KMT2A: variants seen among roughly 807,000 people sequenced by gnomAD.
KMT2A encodes lysine methyltransferase 2A.
KMT2A carries 16 observed loss-of-function variants against 345.3 expected under a neutral mutation model. That is an observed-to-expected ratio of 0.05 (90% CI 0.03 to 0.07). The LOEUF is 0.07. Among genes scored for constraint, KMT2A ranks in the 10% least tolerant of loss-of-function variants. The pLI, the probability that KMT2A is intolerant of heterozygous loss-of-function variation, is 1.00. For missense variants in KMT2A, 3,272 were observed against 4,841.6 expected, an observed-to-expected ratio of 0.68 and a Z score of 9.62; for synonymous variants, 1,599 against 1,778.6, an observed-to-expected ratio of 0.90 and a Z score of 2.54.
Position 118,525,622 on chromosome 11 carries a change from G to C in KMT2A, c.*3450G>C. 1 of 218,524 alleles carries C rather than the reference G, an allele frequency of 4.6e-6. No individual in the cohort carries two copies. Among genetic ancestry groups the C allele is most frequent in the Non-Finnish European group, 9.1e-6 (1 of 110,200 alleles). 13.5% of individuals were successfully genotyped at this position (218,524 alleles called of 1,614,324 possible). On this transcript the variant is annotated 3_prime_UTR_variant, in exon 36 of 36. Transcript: ENST00000534358. ...AAAAAATAAAAAATAAAAAAAAAAG[G>C]AAAAAAAAATACAACACACACACAA...
chr11:118,462,914 G>A (rs948359176), intron 1 of KMT2A, among the ~76,000 whole-genome samples: 3 of 151,740 alleles, frequency 2.0e-5, no homozygotes, highest in Admixed American at 6.6e-5. Flanking sequence ...GAAGGAAAAC[G>A]AATTAATGCT....
At position 118,496,732 on chromosome 11, in the gene KMT2A, A is replaced by C. The variant is rs1338913758; in HGVS notation, c.5664+365A>C. Among the ~76,000 whole-genome samples, 6 of 152,184 alleles carry C rather than the reference A, an allele frequency of 3.9e-5. No homozygotes were observed. Among genetic ancestry groups the C allele is most frequent in the Non-Finnish European group, 7.3e-5 (5 of 68,036 alleles). ...GCTTGTGTTTCATATAGGATAGCAG[A>C]ATCGTTAAGAGCCCGAGTTCTGCCG... is the stretch of plus-strand genomic sequence containing the variant. On this transcript the variant is annotated intron_variant, in intron 20 of 35. Transcript: ENST00000534358. The surrounding 1 kb of genome is among the most constrained non-coding windows in gnomAD (Gnocchi z 4.7).
Position 118,496,450 on chromosome 11 carries a change from G to A in KMT2A, c.5664+83G>A. The A allele has an allele frequency of 1.1e-6, 1 of 883,494 alleles. No individual in the cohort carries two copies. Among genetic ancestry groups the A allele is most frequent in the Non-Finnish European group, 1.8e-6 (1 of 541,490 alleles). The allele number at this position is 883,494 out of a possible 1,614,324, so 54.7% of individuals were successfully genotyped here. A position where few individuals can be genotyped will look rare whatever the true frequency, so the allele number is the denominator to read the frequency against. On this transcript the variant is annotated intron_variant, in intron 20 of 35. Transcript: ENST00000534358. This position sits in a 1 kb window ranked among gnomAD's most constrained non-coding sequence, Gnocchi z 4.7. ...CCTTGTGTCCATACTTGATGACTGG[G>A]TGCCATTTATTTAATGAACTTACTT...
At position 118,494,807 on chromosome 11, in the gene KMT2A, C is replaced by T; in HGVS notation, c.5363+40C>T. The T allele has an allele frequency of 6.7e-7, 1 of 1,481,608 alleles. No homozygotes were observed. The highest frequency in any genetic ancestry group is 1.7e-5 in the Admixed American group (1 of 58,682). 91.8% of individuals were successfully genotyped at this position (1,481,608 alleles called of 1,614,324 possible). A position where few individuals can be genotyped will look rare whatever the true frequency, so the allele number is the denominator to read the frequency against. ...CATAACTTTTTTTTCTCCTCATCGGCTAGAAATCTGAGAGTTCTCATATTT... is the reference window on the plus strand; with the variant it reads ...CATAACTTTTTTTTCTCCTCATCGGTTAGAAATCTGAGAGTTCTCATATTT... On this transcript the variant is annotated intron_variant, in intron 18 of 35. Coordinates refer to ENST00000534358, the MANE Select transcript of KMT2A (RefSeq NM_001197104.2). The surrounding 1 kb of genome is among the most constrained non-coding windows in gnomAD (Gnocchi z 5.8).
At chr11:118,451,774 G>A (rs569861287) in intron 1 of KMT2A, among the ~76,000 whole-genome samples, 26 of 151,742 alleles carry the variant, frequency 1.7e-4, no homozygotes, top group South Asian at 4.2e-4. Flanking sequence ...TTATAGGTGC[G>A]ACCCACCATG....
chr11:118,455,673 TTTTTTTA>T (rs1289769995), intron 1 of KMT2A, among the ~76,000 whole-genome samples: 17 of 151,178 alleles, frequency 1.1e-4, no homozygotes, highest in African/African-American at 3.9e-4. Context: ...TATTATTATT[TTTTTTTA>T]TTTTTATTTT....
Position 118,476,733 on chromosome 11 carries a change from A to G in KMT2A, c.3157-72A>G. ...TAAATCATACTGAAATTGATTAAGT[A>G]TACCTTGGCTTCGTTCAGTTATAAT... On this transcript the variant is annotated intron_variant, in intron 3 of 35. Transcript: ENST00000534358. This position sits in a 1 kb window ranked among gnomAD's most constrained non-coding sequence, Gnocchi z 4.1. The G allele has an allele frequency of 8.2e-7, 1 of 1,221,102 alleles. No individual in the cohort carries two copies. Among genetic ancestry groups the G allele is most frequent in the East Asian group, 2.4e-5 (1 of 42,304 alleles). The allele number at this position is 1,221,102 out of a possible 1,614,324, so 75.6% of individuals were successfully genotyped here.
rs1949666886 is a variant in KMT2A, at chr11:118,457,443, T to G, written c.433-11332T>G. 2.0e-5 allele frequency among the ~76,000 whole-genome samples: 3 copies of G among 151,462 alleles called. No homozygotes were observed. The South Asian group carries it at 6.3e-4, about 32-fold the overall frequency. On this transcript the variant is annotated intron_variant, in intron 1 of 35. Coordinates refer to ENST00000534358, the MANE Select transcript of KMT2A (RefSeq NM_001197104.2). Reference sequence around the variant, plus strand: ...CACCACGCCTGGCTAATTTTTTTTTTGTATTTTTTAGTAGAGACAGGGTTT... The same window carrying G: ...CACCACGCCTGGCTAATTTTTTTTTGGTATTTTTTAGTAGAGACAGGGTTT...
chr11:118,482,319 A>T, intron 7 of KMT2A, 103 bp from the exon 8 acceptor site: 2 of 916,898 alleles, frequency 2.2e-6, no homozygotes, highest in Non-Finnish European at 3.3e-6. Flanking sequence ...TAGAGTTTAA[A>T]TAGTTTTTTT....
Position 118,503,827 on chromosome 11 carries a change from A to G in KMT2A, c.7935A>G (p.Glu2645=). ...TCTATGGAGTAAGATCCTATGGTGA[A>G]GAAGACATTCCATTCTACAGCAGCT... The part of the protein sequence containing the change: ...TPLYGVRSYG[E]EDIPFYSSST... The change falls in exon 27 of 36, where the codon GAA becomes GAG. Residue 2645 remains glutamate (E), a synonymous_variant. Transcript: ENST00000534358. This position sits in a 1 kb window ranked among gnomAD's most constrained non-coding sequence, Gnocchi z 5.3. 6.2e-7 allele frequency: 1 copy of G among 1,614,226 alleles called. No homozygotes were observed. Among genetic ancestry groups the G allele is most frequent in the South Asian group, 1.1e-5 (1 of 91,090 alleles).
chr11:118,502,345 T>C lies in KMT2A; in HGVS notation c.6506-53T>C. 1 of 1,253,936 alleles carries C rather than the reference T, an allele frequency of 8.0e-7. No homozygotes were observed. The highest frequency in any genetic ancestry group is 1.6e-5 in the South Asian group (1 of 64,430). The allele number at this position is 1,253,936 out of a possible 1,614,324, so 77.7% of individuals were successfully genotyped here. On this transcript the variant is annotated intron_variant, in intron 26 of 35. Transcript: ENST00000534358. The surrounding 1 kb of genome is among the most constrained non-coding windows in gnomAD (Gnocchi z 4.9). ...TCAAATCATTGAAACCAGTGACTTCTACACATTTGTTCTATCTACAATAGC... is the reference window on the plus strand; with the variant it reads ...TCAAATCATTGAAACCAGTGACTTCCACACATTTGTTCTATCTACAATAGC...
rs1950525125 is a variant in KMT2A, at chr11:118,502,990, G to A, written c.7098G>A (p.Glu2366=). The change falls in exon 27 of 36, where the codon GAG becomes GAA. Residue 2366 remains glutamate (E), a synonymous_variant. Transcript: ENST00000534358. This position sits in a 1 kb window ranked among gnomAD's most constrained non-coding sequence, Gnocchi z 4.9. ...EPSSVSFSSK[E]ALSFPHLHLR... ...CTTCAGTGTCGTTTTCTTCTAAAGA[G>A]GCCCTCTCCTTCCCACACCTCCATT... 6.2e-7 allele frequency: 1 copy of A among 1,613,974 alleles called. No homozygotes were observed. Among genetic ancestry groups the A allele is most frequent in the African/African-American group, 1.3e-5 (1 of 74,978 alleles).
chr11:118,447,834 G>A (rs1056477329), intron 1 of KMT2A: 2 of 248,602 alleles, frequency 8.0e-6, no homozygotes, highest in Non-Finnish European at 1.7e-5. Context: ...AGCAGAATAA[G>A]AGAAAATAGG....
In KMT2A at chr11:118,471,543, T is replaced by C. The variant is rs1389082606; in HGVS notation, c.503-119T>C. 1.1e-5 allele frequency: 6 copies of C among 548,824 alleles called. No individual in the cohort carries two copies. The African/African-American group carries it at 1.1e-4, about 10-fold the overall frequency. The allele number at this position is 548,824 out of a possible 1,614,324, so 34.0% of individuals were successfully genotyped here. On this transcript the variant is annotated intron_variant, in intron 2 of 35. Coordinates refer to ENST00000534358, the MANE Select transcript of KMT2A (RefSeq NM_001197104.2). ...AGCACAATTAAGATGTTTGATTGAC[T>C]CATTAGACTCAAGTTGAACTCAGTA...
rs1268565096 is a variant in KMT2A at position 118,494,584 on chromosome 11, T to G, written c.5290-110T>G. The G allele has an allele frequency of 9.9e-7, 1 of 1,009,558 alleles. No individual in the cohort carries two copies. The highest frequency in any genetic ancestry group is 1.5e-6 in the Non-Finnish European group (1 of 671,410). The allele number at this position is 1,009,558 out of a possible 1,614,324, so 62.5% of individuals were successfully genotyped here. A position where few individuals can be genotyped will look rare whatever the true frequency, so the allele number is the denominator to read the frequency against. On this transcript the variant is annotated intron_variant, in intron 17 of 35. Coordinates refer to ENST00000534358, the MANE Select transcript of KMT2A (RefSeq NM_001197104.2). The surrounding 1 kb of genome is among the most constrained non-coding windows in gnomAD (Gnocchi z 5.8). Reference sequence around the variant, plus strand: ...TGCCAGAGTGGATGGATCTTTCTCTTGGTGGCCTGAAATTATCCTCGTATT... The same window carrying G: ...TGCCAGAGTGGATGGATCTTTCTCTGGGTGGCCTGAAATTATCCTCGTATT...
In KMT2A at chr11:118,472,499, C is replaced by A. The variant is rs1555035918; in HGVS notation, c.1340C>A (p.Pro447Gln). 1 of 1,613,134 alleles carries A rather than the reference C, an allele frequency of 6.2e-7. No homozygotes were observed. The highest frequency in any genetic ancestry group is 8.5e-7 in the Non-Finnish European group (1 of 1,179,828). Reference sequence around the variant, plus strand: ...AAAATTGCCCGATTAGAGTCTACACCGAATAGTAGATTCAGTGCCCCGTCC... The same window carrying A: ...AAAATTGCCCGATTAGAGTCTACACAGAATAGTAGATTCAGTGCCCCGTCC... ...PIKIARLEST[P>Q]NSRFSAPSCG... Residue 447 changes from proline to glutamine, a missense_variant, in exon 3 of 36, where the codon CCG becomes CAG. Around this residue, in one of 27 missense-constraint regions of KMT2A, gnomAD observed 180 missense variants for 190.7 expected, o/e 0.94. Coordinates refer to ENST00000534358, the MANE Select transcript of KMT2A (RefSeq NM_001197104.2).
rs913973512 is a variant in KMT2A at position 118,473,199 on chromosome 11, G to T, written c.2040G>T (p.Ser680=). 18 of 1,613,328 alleles carry T rather than the reference G, an allele frequency of 1.1e-5. No individual in the cohort carries two copies. The East Asian group carries it at 2.2e-4, about 20-fold the overall frequency. ...CCGCTGCTTCAGCCCGATTGTTTTC[G>T]CCACTCCATTCTGGAACAAGGTTTG... The part of the protein sequence containing the change: ...SGTAASARLF[S]PLHSGTRFDM... The change falls in exon 3 of 36, where the codon TCG becomes TCT. Residue 680 remains serine, a synonymous_variant. Transcript: ENST00000534358. The surrounding 1 kb of genome is among the most constrained non-coding windows in gnomAD (Gnocchi z 5.2).
In KMT2A at chr11:118,502,527, T is replaced by C; in HGVS notation, c.6635T>C (p.Ile2212Thr). The C allele has an allele frequency of 1.9e-6, 3 of 1,614,156 alleles. 1 individual carries two copies. The South Asian group carries it at 3.3e-5, about 18-fold the overall frequency. Reference protein sequence around the residue: ...SLSPQRSKLRIMSPMRTGNTY... With the variant: ...SLSPQRSKLRTMSPMRTGNTY... ...TCACCCCAGCGGTCCAAACTCCGGATAATGTCTCCAATGAGAACTGGGAAT... is the reference window on the plus strand; with the variant it reads ...TCACCCCAGCGGTCCAAACTCCGGACAATGTCTCCAATGAGAACTGGGAAT... The change falls in exon 27 of 36, where the codon ATA (isoleucine) becomes ACA (threonine). Residue 2212 changes from isoleucine (I) to threonine (T), a missense_variant. By Grantham distance (89) the Ile-to-Thr change is moderately conservative. This residue lies in a region of KMT2A where 445 missense variants were observed against 500.9 expected (regional missense o/e 0.89). Transcript: ENST00000534358. The surrounding 1 kb of genome is among the most constrained non-coding windows in gnomAD (Gnocchi z 4.9).
intron 1 of KMT2A, chr11:118,447,573 A>C: frequency 2.5e-6 from 1 of 398,332 alleles, no homozygotes. Context: ...TTTTATGTAG[A>C]TAATACTTAG....
Sources: gnomAD v4.1 joint callset for allele counts (sites outside exome capture counted in the v4.1 genomes callset) on GRCh38, gnomAD v4.1.1 for gene constraint, gnomAD v4.1.1 regional missense constraint, Gnocchi (gnomAD v3.1) non-coding constraint, MANE v1.5 for transcripts, NCBI Gene and HGNC (gene_info 2026-07-23, HGNC 2026-07-21) for gene names.